Variants in SS18 observed in about 807,000 individuals in gnomAD.
SS18 encodes SS18 subunit of BAF chromatin remodeling complex.
SS18 carries 28 observed loss-of-function variants against 72.5 expected under a neutral mutation model. The ratio of observed to expected loss-of-function variants is 0.39; its 90% CI spans 0.29 to 0.53. SS18 has a LOEUF of 0.53. Among genes scored for constraint, SS18 ranks in the 20% least tolerant of loss-of-function variants. The probability of loss-of-function intolerance (pLI) is 0.76; values close to 1 mark genes in which losing one functional copy is unlikely to be tolerated. For synonymous variants in SS18, 172 were observed against 164.2 expected, an observed-to-expected ratio of 1.05 and a Z score of -0.37; for missense variants, 518 against 535.3, an observed-to-expected ratio of 0.97 and a Z score of 0.32.
At chr18:26,088,826 T>C (rs1171030145) in intron 1 of SS18, among the ~76,000 whole-genome samples, 1 of 152,150 alleles carries the variant, frequency 6.6e-6, no homozygotes, top group East Asian at 1.9e-4. Context: ...GGAACATCCA[T>C]TTAACATTAA....
In SS18 at chr18:26,056,486, G is replaced by C. The variant is rs548885064; in HGVS notation, c.385+1103C>G. On this transcript the variant is annotated intron_variant, in intron 4 of 10. Coordinates refer to ENST00000415083, the MANE Select transcript of SS18 (RefSeq NM_001007559.3). ...TGTGCCATATATGTTGCAAGCCTTAGCAGGAAATAGGAGACAGCCACTGAA... is the reference window on the plus strand; with the variant it reads ...TGTGCCATATATGTTGCAAGCCTTACCAGGAAATAGGAGACAGCCACTGAA... Among the ~76,000 whole-genome samples the C allele has an allele frequency of 2.6e-5, 4 of 152,280 alleles. No individual in the cohort carries two copies. In the South Asian group the frequency reaches 8.3e-4, roughly 32 times the overall value.
At chr18:26,023,154 T>C (rs2053382134) in intron 10 of SS18, among the ~76,000 whole-genome samples, 2 of 152,148 alleles carry the variant, frequency 1.3e-5, no homozygotes, top group African/African-American at 4.8e-5. Context: ...AATCAAAGAT[T>C]ATCACGCACA....
At chr18:26,073,058 C>T (rs2054345238) in intron 3 of SS18, among the ~76,000 whole-genome samples, 1 of 152,000 alleles carries the variant, frequency 6.6e-6, no homozygotes, top group Non-Finnish European at 1.5e-5. Flanking sequence ...TTTAAATACA[C>T]ATGAAACATC....
chr18:26,051,725 C>G (rs1233157879), intron 5 of SS18, among the ~76,000 whole-genome samples: 2 of 152,076 alleles, frequency 1.3e-5, no homozygotes, highest in Non-Finnish European at 2.9e-5. Flanking sequence ...TAGCAAGTGC[C>G]AGTTTTGTGA....
chr18:26,089,455 C>A (rs2054675215), intron 1 of SS18, among the ~76,000 whole-genome samples: 1 of 152,226 alleles, frequency 6.6e-6, no homozygotes, highest in Non-Finnish European at 1.5e-5. Flanking sequence ...TGACAGTAAA[C>A]AGAAACCGAT....
chr18:26,083,706 T>A lies in SS18; in HGVS notation c.146+3795A>T, dbSNP rs1384308723. On this transcript the variant is annotated intron_variant, in intron 2 of 10. Coordinates refer to ENST00000415083, the MANE Select transcript of SS18 (RefSeq NM_001007559.3). The stretch of plus-strand genomic sequence containing the variant: ...GTATTATAGTACAAATATGGTATTA[T>A]AATCTTTCGGTCTATTGTTGACCAA... Among the ~76,000 whole-genome samples, 3 of 152,192 alleles carry A rather than the reference T, an allele frequency of 2.0e-5. No individual in the cohort carries two copies. The East Asian group carries it at 5.8e-4, about 29-fold the overall frequency.
At chr18:26,031,765 G>A (rs1464932519) in intron 10 of SS18, among the ~76,000 whole-genome samples, 1 of 152,132 alleles carries the variant, frequency 6.6e-6, no homozygotes, top group Non-Finnish European at 1.5e-5. Flanking sequence ...TAATAGTTAC[G>A]TGTGTGGAAG....
intron 2 of SS18, chr18:26,080,245 G>T: frequency 3.4e-6 from 2 of 591,754 alleles, no homozygotes; most frequent in Non-Finnish European, 4.2e-6. Flanking sequence ...AAAATATAGT[G>T]TTCCATATCT....
At chr18:26,085,812 A>G (rs1432382950) in intron 2 of SS18, 1 of 152,202 alleles carries the variant, frequency 6.6e-6, no homozygotes, top group Non-Finnish European at 1.5e-5. Flanking sequence ...AAAGTAATGG[A>G]AACTTGGAAT....
chr18:26,036,292 T>TCA (rs2143862367), intron 7 of SS18, among the ~76,000 whole-genome samples: 1 of 152,318 alleles, frequency 6.6e-6, no homozygotes, highest in Admixed American at 6.5e-5. Context: ...TCATATTTTG[T>TCA]CAAACACCTG....
chr18:26,039,205 C>A, intron 6 of SS18, 84 bp downstream of exon 6: 10 of 924,956 alleles, frequency 1.1e-5, no homozygotes, highest in Non-Finnish European at 1.1e-5. Context: ...AGAAAACGCC[C>A]TGACTTTGTC....
chr18:26,062,314 T>G (rs1187392030), intron 3 of SS18, among the ~76,000 whole-genome samples: 1 of 152,150 alleles, frequency 6.6e-6, no homozygotes, highest in African/African-American at 2.4e-5. Context: ...GGTTCTTGTA[T>G]TTTTCAACAA....
intron 7 of SS18, among the ~76,000 whole-genome samples, chr18:26,037,744 C>T (rs1187033786): frequency 1.3e-5 from 2 of 151,940 alleles, no homozygotes; most frequent in Non-Finnish European, 2.9e-5. Flanking sequence ...TTTGGCAAAC[C>T]CTAACAACCC....
At position 26,090,517 on chromosome 18, in the gene SS18, G is replaced by A. The variant is rs2054705583; in HGVS notation, c.53C>T (p.Pro18Leu). 2 of 1,583,066 alleles carry A rather than the reference G, an allele frequency of 1.3e-6. No individual in the cohort carries two copies. Among genetic ancestry groups the A allele is most frequent in the South Asian group, 1.2e-5 (1 of 86,274 alleles). Residue 18 changes from proline to leucine, a missense_variant, in exon 1 of 11, where the codon CCC (proline) becomes CTC (leucine). By Grantham distance (98) the Pro-to-Leu change is moderately conservative. Transcript: ENST00000415083. ...PRQRGKGEIT[P>L]AAIQKMLDDN... ...CGGTTTCACCTTCTGAATCGCAGCGGGAGTGATCTCCCCCTTGCCTCGCTG... is the reference window on the plus strand; with the variant it reads ...CGGTTTCACCTTCTGAATCGCAGCGAGAGTGATCTCCCCCTTGCCTCGCTG...
intron 10 of SS18, among the ~76,000 whole-genome samples, chr18:26,021,235 C>A (rs2053344629): frequency 2.0e-5 from 3 of 152,220 alleles, no homozygotes; most frequent in Admixed American, 2.0e-4. Context: ...CACCACTTAA[C>A]AGCTTCTTAT....
In SS18 at chr18:26,041,739, T is replaced by C. The variant is rs567142980; in HGVS notation, c.608-2283A>G. 1.3e-4 allele frequency among the ~76,000 whole-genome samples: 20 copies of C among 148,888 alleles called. No individual in the cohort carries two copies. In the South Asian group the frequency reaches 4.0e-3, roughly 30 times the overall value. On this transcript the variant is annotated intron_variant, in intron 5 of 10. Transcript: ENST00000415083. ...AAACAAAAAGAAAGCAAAACCACAA[T>C]AGCCAAAAGAAAAAAAAATCCAAAA... is the stretch of plus-strand genomic sequence containing the variant.
At chr18:26,062,832 T>A (rs1364172480) in intron 3 of SS18, among the ~76,000 whole-genome samples, 1 of 152,202 alleles carries the variant, frequency 6.6e-6, no homozygotes, top group Non-Finnish European at 1.5e-5. Flanking sequence ...TTAACAATCA[T>A]AAATGTGTAT....
At chr18:26,037,116 CTATGTAAATG>C (rs1192243054) in intron 7 of SS18, among the ~76,000 whole-genome samples, 1 of 152,010 alleles carries the variant, frequency 6.6e-6, no homozygotes, top group African/African-American at 2.4e-5. Flanking sequence ...ATAGAATACT[CTATGTAAATG>C]TCAGATATAA....
rs1398803003 is a variant in SS18, at chr18:26,038,528, G to A, written c.880+27C>T. On this transcript the variant is annotated intron_variant, in intron 7 of 10. Coordinates refer to ENST00000415083, the MANE Select transcript of SS18 (RefSeq NM_001007559.3). The stretch of plus-strand genomic sequence containing the variant: ...TTAATATTAGGCAGGGATAGAAAAT[G>A]GGAAAGTTAACATCAGGAGAGATTA... 12 of 1,577,114 alleles carry A rather than the reference G, an allele frequency of 7.6e-6. No homozygotes were observed. In the Admixed American group the frequency reaches 2.0e-4, roughly 26 times the overall value.
Sources: gnomAD v4.1 joint callset for allele counts (sites outside exome capture counted in the v4.1 genomes callset) on GRCh38, gnomAD v4.1.1 for gene constraint, MANE v1.5 for transcripts, NCBI Gene and HGNC (gene_info 2026-07-23, HGNC 2026-07-21) for gene names.